The following PLSCR2 variants were observed in gnomAD, a reference collection of about 807,000 sequenced individuals.
The protein encoded by PLSCR2 is phospholipid scramblase 2, also known as PL scramblase 2.
In PLSCR2, 18 loss-of-function variants were observed where a neutral mutation model predicts 25.3. That is an observed-to-expected ratio of 0.71 (90% confidence interval 0.49 to 1.06). The LOEUF (loss-of-function observed/expected upper bound fraction) is 1.06. Ranked by LOEUF, PLSCR2 falls within the 50% of genes least tolerant of loss-of-function variation. PLSCR2 has a pLI of 0.00. For missense variants in PLSCR2, 243 were observed against 269.5 expected (o/e 0.90, Z 0.69); for synonymous variants, 88 against 87.3 (o/e 1.01, Z -0.04).
chr3:146,465,786 T>C (rs1344880143), intron 1 of PLSCR2, among the ~76,000 whole-genome samples: 3 of 152,230 alleles, frequency 2.0e-5, no homozygotes, highest in South Asian at 2.1e-4. Flanking sequence ...GCAACATTTA[T>C]TGAGGTAACT....
intron 2 of PLSCR2, among the ~76,000 whole-genome samples, chr3:146,396,325 T>C (rs1249006071): frequency 1.3e-5 from 2 of 152,060 alleles, no homozygotes; most frequent in Non-Finnish European, 2.9e-5. Context: ...CATTTTTTTT[T>C]CTCTCTGTTA....
chr3:146,394,195 C>G (rs1487104526), intron 3 of PLSCR2, among the ~76,000 whole-genome samples: 1 of 151,864 alleles, frequency 6.6e-6, no homozygotes, highest in Non-Finnish European at 1.5e-5. Context: ...ATTTTTTGGT[C>G]ATTAATTTAG....
intron 2 of PLSCR2, among the ~76,000 whole-genome samples, chr3:146,407,305 G>A (rs969174310): frequency 1.2e-4 from 19 of 152,240 alleles, no homozygotes; most frequent in African/African-American, 4.3e-4. Flanking sequence ...TATGTCGAGG[G>A]ATGATTTCAT....
intron 2 of PLSCR2, among the ~76,000 whole-genome samples, chr3:146,411,143 G>T (rs1450233892): frequency 1.3e-5 from 2 of 152,016 alleles, no homozygotes; most frequent in African/African-American, 4.8e-5. Context: ...GATAGAAAAA[G>T]GGAGAGAAAG....
chr3:146,430,431 C>A (rs79630327), downstream of PLSCR2, among the ~76,000 whole-genome samples: 297 of 152,256 alleles, frequency 2.0e-3, 1 homozygote, highest in African/African-American at 6.7e-3. Context: ...AGGAGTAGGG[C>A]AGGACTTGGA....
intron 1 of PLSCR2, among the ~76,000 whole-genome samples, chr3:146,492,966 G>A (rs1003943020): frequency 6.6e-6 from 1 of 150,690 alleles, no homozygotes; most frequent in Non-Finnish European, 1.5e-5. Flanking sequence ...AAATGACAAA[G>A]GAGACATTAA....
intron 8 of PLSCR2, among the ~76,000 whole-genome samples, chr3:146,436,080 T>G (rs1180568828): frequency 6.6e-6 from 1 of 152,214 alleles, no homozygotes; most frequent in Non-Finnish European, 1.5e-5. Context: ...ATCAGATGGT[T>G]GTACATGTGT....
chr3:146,432,374 T>C (rs902322605), downstream of PLSCR2, among the ~76,000 whole-genome samples: 4 of 152,136 alleles, frequency 2.6e-5, no homozygotes, highest in Middle Eastern at 3.2e-3. Context: ...ACAAGCCCAG[T>C]TGATTTGAGT....
At chr3:146,439,759 C>G (rs1198460378), downstream of PLSCR2, among the ~76,000 whole-genome samples, 1 of 152,178 alleles carries the variant, frequency 6.6e-6, no homozygotes, top group Non-Finnish European at 1.5e-5. Flanking sequence ...TTATCTGAAG[C>G]CTTCTTCTCT....
At chr3:146,447,289 G>T (rs2040607780) in intron 6 of PLSCR2, among the ~76,000 whole-genome samples, 1 of 152,166 alleles carries the variant, frequency 6.6e-6, no homozygotes, top group Non-Finnish European at 1.5e-5. Flanking sequence ...CCACAGCTGG[G>T]AATGTGCTGG....
intron 1 of PLSCR2, among the ~76,000 whole-genome samples, chr3:146,488,967 C>A (rs1269614559): frequency 6.6e-6 from 1 of 152,122 alleles, no homozygotes; most frequent in Non-Finnish European, 1.5e-5. Flanking sequence ...TATATATACA[C>A]CATGGAATAC....
chr3:146,464,334 C>CAT (rs1005487593), upstream of PLSCR2, among the ~76,000 whole-genome samples: 4 of 152,084 alleles, frequency 2.6e-5, no homozygotes, highest in African/African-American at 4.8e-5. Context: ...TACATCTCTT[C>CAT]ATATATATAT....
chr3:146,398,193 T>C (rs1017249015), intron 2 of PLSCR2, among the ~76,000 whole-genome samples: 1 of 151,946 alleles, frequency 6.6e-6, no homozygotes, highest in Non-Finnish European at 1.5e-5. Flanking sequence ...GAAGTATGTT[T>C]AGTAGCTAAT....
At chr3:146,495,788 T>C in intron 1 of PLSCR2, 1 of 711,630 alleles carries the variant, frequency 1.4e-6, no homozygotes. Flanking sequence ...CCCCATTAGG[T>C]AGTTCGTGAA....
intron 1 of PLSCR2, among the ~76,000 whole-genome samples, chr3:146,472,159 A>C (rs1329384742): frequency 6.6e-6 from 1 of 152,196 alleles, no homozygotes; most frequent in Non-Finnish European, 1.5e-5. Context: ...TGAAATTTTT[A>C]AGACTTACAT....
At chr3:146,402,404 T>A (rs2038505607) in intron 2 of PLSCR2, among the ~76,000 whole-genome samples, 1 of 152,212 alleles carries the variant, frequency 6.6e-6, no homozygotes, top group African/African-American at 2.4e-5. Context: ...CTCTCACTGC[T>A]ATTTTTGAAA....
downstream of PLSCR2, among the ~76,000 whole-genome samples, chr3:146,431,317 T>C (rs1481815598): frequency 6.6e-6 from 1 of 152,214 alleles, no homozygotes; most frequent in Admixed American, 6.5e-5. Flanking sequence ...ATCTGTCTTC[T>C]TGTTCATTAT....
chr3:146,469,158 A>G, intron 1 of PLSCR2: 1 of 985,472 alleles, frequency 1.0e-6, no homozygotes, highest in Non-Finnish European at 1.2e-6. Flanking sequence ...TAGCCCCACT[A>G]TGCTGGCACA....
intron 1 of PLSCR2, 172 bp downstream of exon 1, chr3:146,469,323 G>A (rs1560039967): frequency 7.9e-5 from 78 of 984,022 alleles, no homozygotes; most frequent in Non-Finnish European, 9.2e-5. Context: ...CAGCTGGGCC[G>A]CCTGGGGCCC....
Sources: allele counts gnomAD v4.1 joint callset (sites outside exome capture counted in the v4.1 genomes callset), GRCh38; gene constraint gnomAD v4.1.1; transcripts MANE v1.5; gene names NCBI Gene and HGNC (gene_info 2026-07-23, HGNC 2026-07-21).